Variants in C10orf90 observed in about 807,000 individuals in gnomAD.
The protein encoded by C10orf90 is chromosome 10 open reading frame 90.
In C10orf90, 56 loss-of-function variants were observed where a neutral mutation model predicts 62.5. That is an observed-to-expected ratio of 0.90 (90% CI 0.72 to 1.12). The LOEUF (loss-of-function observed/expected upper bound fraction) is 1.12. Among genes scored for constraint, C10orf90 ranks in the 50% most tolerant of loss-of-function variants. C10orf90 has a pLI of 0.00. For missense variants in C10orf90, 970 were observed against 880.4 expected (o/e 1.10, Z -1.29); for synonymous variants, 386 against 340.4 (o/e 1.13, Z -1.47).
intron 4 of C10orf90, among the ~76,000 whole-genome samples, chr10:126,482,133 GATCTTC>G (rs1486115154): frequency 1.3e-5 from 2 of 152,136 alleles, no homozygotes; most frequent in African/African-American, 4.8e-5. Flanking sequence ...TGAAGCTTTG[GATCTTC>G]ATCTTCAAGA....
At chr10:126,585,062 G>C (rs1844833141) in intron 2 of C10orf90, among the ~76,000 whole-genome samples, 1 of 151,970 alleles carries the variant, frequency 6.6e-6, no homozygotes, top group Non-Finnish European at 1.5e-5. Flanking sequence ...CAGCAGTATG[G>C]AGGTTGGATG....
chr10:126,549,159 T>C (rs1317652331), intron 2 of C10orf90, among the ~76,000 whole-genome samples: 1 of 152,160 alleles, frequency 6.6e-6, no homozygotes, highest in African/African-American at 2.4e-5. Context: ...AATTGACAAA[T>C]TGTACTTAAT....
At chr10:126,607,603 T>C (rs1400957298) in intron 2 of C10orf90, among the ~76,000 whole-genome samples, 1 of 152,224 alleles carries the variant, frequency 6.6e-6, no homozygotes, top group Non-Finnish European at 1.5e-5. Context: ...TAGGGACTTT[T>C]CTGACGAGTT....
At chr10:126,461,357 C>CTCCCTAGGAAATCTA in intron 6 of C10orf90, 44 bp downstream of exon 6, 1 of 1,602,938 alleles carries the variant, frequency 6.2e-7, no homozygotes, top group African/African-American at 1.3e-5. Flanking sequence ...TAGGAAATCT[C>CTCCCTAGGAAATCTA]TCCCTTTGGC....
At chr10:126,628,269 G>A (rs988350349) in intron 2 of C10orf90, among the ~76,000 whole-genome samples, 1 of 152,138 alleles carries the variant, frequency 6.6e-6, no homozygotes, top group Admixed American at 6.5e-5. Context: ...TTGCTATAGT[G>A]AATTTAAAAT....
intron 2 of C10orf90, among the ~76,000 whole-genome samples, chr10:126,549,957 C>CTTTTT (rs1168153149): frequency 8.5e-6 from 1 of 117,418 alleles, no homozygotes; most frequent in Admixed American, 8.7e-5. Context: ...GTAAAGCTTT[C>CTTTTT]TTTTTTTTTT....
At chr10:126,457,087 C>G (rs892053687) in intron 7 of C10orf90, among the ~76,000 whole-genome samples, 1 of 152,226 alleles carries the variant, frequency 6.6e-6, no homozygotes, top group African/African-American at 2.4e-5. Flanking sequence ...TAGCGAAGCT[C>G]AGGTGATCCT....
intron 7 of C10orf90, among the ~76,000 whole-genome samples, chr10:126,447,787 A>T (rs899059126): frequency 2.0e-5 from 3 of 152,092 alleles, no homozygotes; most frequent in Admixed American, 2.0e-4. Context: ...TAGGCCAAAA[A>T]ATAAGTCTTA....
intron 4 of C10orf90, chr10:126,469,883 T>C: frequency 2.2e-6 from 1 of 456,768 alleles, no homozygotes; most frequent in South Asian, 1.5e-5. Context: ...AGGACTCTCC[T>C]TTGCTGTCTC....
At chr10:126,587,549 T>A (rs1442346144) in intron 2 of C10orf90, among the ~76,000 whole-genome samples, 2 of 152,158 alleles carry the variant, frequency 1.3e-5, no homozygotes, top group Admixed American at 6.5e-5. Flanking sequence ...TCCTCATGAT[T>A]TCATCTGAAC....
intron 2 of C10orf90, among the ~76,000 whole-genome samples, chr10:126,553,394 G>T (rs931266777): frequency 6.6e-6 from 1 of 152,066 alleles, no homozygotes; most frequent in Non-Finnish European, 1.5e-5. Flanking sequence ...GACATGAATA[G>T]GTGCTCAACA....
At position 126,513,747 on chromosome 10, in the gene C10orf90, AAAT is replaced by A. The variant is rs1453078455; in HGVS notation, c.405+98_405+100del. On this transcript the variant is annotated intron_variant, in intron 3 of 9. Coordinates refer to ENST00000488181, the MANE Select transcript of C10orf90 (RefSeq NM_001350921.2). ...TTGCTACATTAATTCAATTTTGACT[AAAT>A]AAAATAAAATGCAATCACATCACAA... 3 of 714,492 alleles carry A rather than the reference AAAT, an allele frequency of 4.2e-6. No homozygotes were observed. In the African/African-American group the frequency reaches 5.4e-5, roughly 13 times the overall value. The allele number at this position is 714,492 out of a possible 1,614,324, so 44.3% of individuals were successfully genotyped here.
chr10:126,655,206 T>C (rs1232147052), intron 1 of C10orf90, among the ~76,000 whole-genome samples: 1 of 152,006 alleles, frequency 6.6e-6, no homozygotes, highest in African/African-American at 2.4e-5. Context: ...TAGTCCCAGC[T>C]ACTAGGGAGG....
chr10:126,595,124 C>A (rs1753404317), intron 2 of C10orf90, among the ~76,000 whole-genome samples: 2 of 152,196 alleles, frequency 1.3e-5, no homozygotes, highest in Admixed American at 1.3e-4. Context: ...AAGTCTTTAG[C>A]CTTGTTCTCA....
intron 1 of C10orf90, among the ~76,000 whole-genome samples, chr10:126,665,547 C>T (rs181908609): frequency 4.7e-4 from 72 of 152,248 alleles, no homozygotes; most frequent in Middle Eastern, 3.4e-3. Context: ...GATATTGAAA[C>T]CACTCTGGGA....
chr10:126,616,333 G>C (rs1845540778), intron 2 of C10orf90, among the ~76,000 whole-genome samples: 1 of 152,288 alleles, frequency 6.6e-6, no homozygotes, highest in East Asian at 1.9e-4. Context: ...AGCTGTCCTA[G>C]GAGAAAGGTT....
At chr10:126,461,794 C>T (rs897173637) in intron 5 of C10orf90, among the ~76,000 whole-genome samples, 1 of 152,152 alleles carries the variant, frequency 6.6e-6, no homozygotes, top group Non-Finnish European at 1.5e-5. Context: ...AGCCAGACTT[C>T]AGGACCAGCT....
At chr10:126,643,171 G>A (rs1426987912) in intron 2 of C10orf90, among the ~76,000 whole-genome samples, 2 of 152,166 alleles carry the variant, frequency 1.3e-5, no homozygotes, top group Non-Finnish European at 2.9e-5. Flanking sequence ...TTAAAAATAG[G>A]TGAGAAGGCT....
At chr10:126,502,802 A>C (rs565372130) in intron 4 of C10orf90, 6 of 528,616 alleles carry the variant, frequency 1.1e-5, no homozygotes, top group South Asian at 7.1e-5. Flanking sequence ...TGGAACATTG[A>C]TAGCTGCTTA....
Sources: allele counts gnomAD v4.1 joint callset (sites outside exome capture counted in the v4.1 genomes callset), GRCh38; gene constraint gnomAD v4.1.1; transcripts MANE v1.5; gene names NCBI Gene and HGNC (gene_info 2026-07-23, HGNC 2026-07-21).